Variants in TNR observed in about 807,000 individuals in gnomAD.
TNR encodes tenascin R.
A neutral mutation model predicts 150.4 loss-of-function variants in TNR; 45 were observed. The ratio of observed to expected loss-of-function variants is 0.30; its 90% CI spans 0.24 to 0.38. The LOEUF is 0.38. Among genes scored for constraint, TNR ranks in the 10% least tolerant of loss-of-function variants. TNR has a pLI of 1.00. For missense variants in TNR, 1,544 were observed against 1,759.1 expected (o/e 0.88, Z 2.19); for synonymous variants, 687 against 678.4 (o/e 1.01, Z -0.20).
intron 1 of TNR, among the ~76,000 whole-genome samples, chr1:175,640,005 T>C (rs139913468): frequency 3.5e-4 from 54 of 152,350 alleles, no homozygotes; most frequent in Non-Finnish European, 6.0e-4. Flanking sequence ...TGTTTACTGC[T>C]GTAACCCCAC....
At chr1:175,344,456 T>C (rs1166868469) in intron 18 of TNR, among the ~76,000 whole-genome samples, 2 of 152,204 alleles carry the variant, frequency 1.3e-5, no homozygotes, top group African/African-American at 4.8e-5. Flanking sequence ...TGGTCTTAGA[T>C]TCCCTGCCTC....
intron 2 of TNR, among the ~76,000 whole-genome samples, chr1:175,431,689 C>T (rs1655269836): frequency 6.6e-6 from 1 of 151,490 alleles, no homozygotes; most frequent in African/African-American, 2.4e-5. Flanking sequence ...AGGAAGAACC[C>T]ATGCTTTCCA....
At chr1:175,559,258 A>G (rs974438246) in intron 1 of TNR, among the ~76,000 whole-genome samples, 18 of 152,300 alleles carry the variant, frequency 1.2e-4, no homozygotes, top group African/African-American at 3.8e-4. Context: ...GAATGTACTA[A>G]ATAGTACTGA....
intron 1 of TNR, among the ~76,000 whole-genome samples, chr1:175,690,648 G>T (rs1004296676): frequency 6.6e-6 from 1 of 152,226 alleles, no homozygotes; most frequent in African/African-American, 2.4e-5. Context: ...TGGCTTAAGT[G>T]CCAGGGGGAG....
chr1:175,558,959 A>G (rs1661304241), intron 1 of TNR, among the ~76,000 whole-genome samples: 1 of 152,200 alleles, frequency 6.6e-6, no homozygotes, highest in Non-Finnish European at 1.5e-5. Flanking sequence ...ATCAATTATA[A>G]CATATGTGCC....
intron 1 of TNR, among the ~76,000 whole-genome samples, chr1:175,578,598 C>A (rs1275627454): frequency 6.6e-6 from 1 of 152,094 alleles, no homozygotes; most frequent in Non-Finnish European, 1.5e-5. Context: ...GGAGGGAGAC[C>A]CTCAAGGCCA....
chr1:175,548,936 G>C (rs2013731), intron 1 of TNR, among the ~76,000 whole-genome samples: 105,774 of 152,110 alleles, frequency 0.7, 36,984 homozygotes, highest in Admixed American at 0.77. Flanking sequence ...ACAACAACTA[G>C]CACTGGGATC....
At chr1:175,491,141 T>C (rs1447704636) in intron 2 of TNR, among the ~76,000 whole-genome samples, 1 of 152,212 alleles carries the variant, frequency 6.6e-6, no homozygotes, top group Non-Finnish European at 1.5e-5. Flanking sequence ...TCACTGTATG[T>C]TCTCACTTAT....
chr1:175,447,868 G>A (rs1014729503), intron 2 of TNR, among the ~76,000 whole-genome samples: 2 of 152,182 alleles, frequency 1.3e-5, no homozygotes, highest in African/African-American at 4.8e-5. Context: ...GACCAATTAT[G>A]TACCTATTCC....
chr1:175,315,464 CTTTCT>C lies in TNR; in HGVS notation c.*7888_*7892del, dbSNP rs1004386088. 7 of 151,320 alleles carry C rather than the reference CTTTCT, an allele frequency of 4.6e-5. No individual in the cohort carries two copies. The highest frequency in any genetic ancestry group is 2.6e-4 in the Admixed American group (4 of 15,202). The allele number at this position is 151,320 out of a possible 1,614,324, so 9.4% of individuals were successfully genotyped here. A position where few individuals can be genotyped will look rare whatever the true frequency, so the allele number is the denominator to read the frequency against. ...TTCTTTTTTTTTTCTTCCTTCCAGT[CTTTCT>C]TTTAAGTAAGCGCTTTTTCAAGCTC... is the stretch of plus-strand genomic sequence containing the variant. On this transcript the variant is annotated 3_prime_UTR_variant, in exon 23 of 23. Coordinates refer to ENST00000367674, the MANE Select transcript of TNR (RefSeq NM_003285.3).
intron 2 of TNR, among the ~76,000 whole-genome samples, chr1:175,493,312 AG>A (rs534381031): frequency 7.3e-4 from 111 of 152,364 alleles, no homozygotes; most frequent in African/African-American, 2.6e-3. Context: ...AAGGTGAAAA[AG>A]TAAACCAAGA....
chr1:175,624,889 G>C (rs1373751723), intron 1 of TNR, among the ~76,000 whole-genome samples: 2 of 152,130 alleles, frequency 1.3e-5, no homozygotes, highest in African/African-American at 4.8e-5. Context: ...CTAGAGGATG[G>C]GGCCCCCTTC....
rs749834592 is a variant in TNR, at chr1:175,406,513, C to T, written c.202G>A (p.Val68Met). The change falls in exon 3 of 23, where the codon GTG (valine) becomes ATG (methionine). Residue 68 changes from valine (V) to methionine (M), a missense_variant. By Grantham distance (21) the Val-to-Met change is conservative. This residue lies in a region of TNR where 1,254 missense variants were observed against 1,329.4 expected (regional missense o/e 0.94). Coordinates refer to ENST00000367674, the MANE Select transcript of TNR (RefSeq NM_003285.3). ...TCCAAGGGCACGTTAATGTTGTACA[C>T]GTGGTTGAAGACCACAGGCTGCTCT... ...SKEQPVVFNH[V>M]YNINVPLDNL... is the part of the protein sequence containing the mutation. 21 of 1,614,190 alleles carry T rather than the reference C, an allele frequency of 1.3e-5. 1 individual carries two copies. The highest frequency in any genetic ancestry group is 2.2e-5 in the South Asian group (2 of 91,080).
rs1442844573 is a variant in TNR, at chr1:175,356,329, G to A, written c.3108C>T (p.Asn1036=). 1 of 1,614,052 alleles carries A rather than the reference G, an allele frequency of 6.2e-7. No homozygotes were observed. The highest frequency in any genetic ancestry group is 1.1e-5 in the South Asian group (1 of 91,084). The change falls in exon 16 of 23, where the codon AAC becomes AAT. Residue 1036 remains asparagine, a synonymous_variant. Coordinates refer to ENST00000367674, the MANE Select transcript of TNR (RefSeq NM_003285.3). ...GPLTSGTIST[N]FSTLLDPPAN... is the part of the protein sequence containing the mutation. ...TGACCATGTACTCACGAGTAGAAAA[G>A]TTGGTGCTGATGGTGCCACTGGTGA...
chr1:175,500,603 T>A (rs151221956), intron 2 of TNR, among the ~76,000 whole-genome samples: 48 of 152,140 alleles, frequency 3.2e-4, no homozygotes, highest in Middle Eastern at 3.4e-3. Flanking sequence ...TCAGCTAGAG[T>A]TTTGTTTTAA....
At chr1:175,570,307 C>T (rs904269675) in intron 1 of TNR, among the ~76,000 whole-genome samples, 1 of 152,162 alleles carries the variant, frequency 6.6e-6, no homozygotes, top group African/African-American at 2.4e-5. Context: ...TTTCTCACCC[C>T]TCAAACTCTG....
At chr1:175,673,542 G>A (rs1665766678) in intron 1 of TNR, among the ~76,000 whole-genome samples, 1 of 152,266 alleles carries the variant, frequency 6.6e-6, no homozygotes, top group Admixed American at 6.5e-5. Context: ...AGTCTCAAAT[G>A]TGAGCTCATT....
intron 1 of TNR, among the ~76,000 whole-genome samples, chr1:175,675,440 C>T (rs374971392): frequency 6.6e-6 from 1 of 152,216 alleles, no homozygotes; most frequent in South Asian, 2.1e-4. Flanking sequence ...CTTAACCACA[C>T]AGGTGCATGC....
intron 1 of TNR, among the ~76,000 whole-genome samples, chr1:175,657,999 A>G (rs2057452): frequency 0.58 from 86,191 of 148,852 alleles, 25,520 homozygotes; most frequent in East Asian, 0.73. Flanking sequence ...CAACCCCCCT[A>G]CCTCCACTTG....
Sources: allele counts gnomAD v4.1 joint callset (sites outside exome capture counted in the v4.1 genomes callset), GRCh38; gene constraint gnomAD v4.1.1; regional missense constraint gnomAD v4.1.1; transcripts MANE v1.5; gene names NCBI Gene and HGNC (gene_info 2026-07-23, HGNC 2026-07-21).